The following PTPN12 variants were observed in gnomAD, a reference collection of about 807,000 sequenced individuals.
PTPN12 encodes the protein protein tyrosine phosphatase non-receptor type 12, also known as tyrosine-protein phosphatase non-receptor type 12.
In PTPN12, 29 loss-of-function variants were observed where a neutral mutation model predicts 97.6. The observed-to-expected ratio is 0.30, with a 90% CI of 0.22 to 0.41. The LOEUF (loss-of-function observed/expected upper bound fraction) is 0.41, where lower values mean the gene tolerates loss of function less well. Among genes scored for constraint, PTPN12 ranks in the 10% least tolerant of loss-of-function variants. The pLI is 1.00. For missense variants in PTPN12, 819 were observed against 926.0 expected (o/e 0.88, Z 1.50); for synonymous variants, 327 against 300.4 (o/e 1.09, Z -0.91).
intron 1 of PTPN12, among the ~76,000 whole-genome samples, chr7:77,560,834 A>G (rs117284851): frequency 0.018 from 2,792 of 151,766 alleles, 34 homozygotes; most frequent in Middle Eastern, 0.071. Context: ...CCTTTTGGCT[A>G]TTGTGAATGC....
chr7:77,596,556 T>C (rs1788029118), intron 6 of PTPN12, among the ~76,000 whole-genome samples: 1 of 152,162 alleles, frequency 6.6e-6, no homozygotes, highest in Non-Finnish European at 1.5e-5. Context: ...GAGCACAGGC[T>C]TACGCCTCAA....
At chr7:77,556,156 G>A (rs1244863493) in intron 1 of PTPN12, among the ~76,000 whole-genome samples, 1 of 152,074 alleles carries the variant, frequency 6.6e-6, no homozygotes, top group African/African-American at 2.4e-5. Flanking sequence ...CGCCTCCTGG[G>A]CTCAAGCAAT....
intron 1 of PTPN12, among the ~76,000 whole-genome samples, chr7:77,570,825 A>C (rs1787101647): frequency 6.6e-6 from 1 of 152,240 alleles, no homozygotes; most frequent in South Asian, 2.1e-4. Flanking sequence ...CAGCTTATTA[A>C]TGATATCTTT....
rs187861876 is a variant in PTPN12 at position 77,592,362 on chromosome 7, A to G, written c.492+106A>G. On this transcript the variant is annotated intron_variant, in intron 6 of 17. Coordinates refer to ENST00000248594, the MANE Select transcript of PTPN12 (RefSeq NM_002835.4). ...GAACCCAGGCTTATAGACGCCAAGG[A>G]CTCACAAACCTATGCTTACATTTAA... is the stretch of plus-strand genomic sequence containing the variant. 9.5e-6 allele frequency: 9 copies of G among 949,570 alleles called. No individual in the cohort carries two copies. The East Asian group carries it at 2.5e-4, about 27-fold the overall frequency. The allele number at this position is 949,570 out of a possible 1,614,324, so 58.8% of individuals were successfully genotyped here. A position where few individuals can be genotyped will look rare whatever the true frequency, so the allele number is the denominator to read the frequency against.
chr7:77,589,458 C>CT (rs1254896344), intron 5 of PTPN12, among the ~76,000 whole-genome samples: 2 of 152,032 alleles, frequency 1.3e-5, no homozygotes, highest in Non-Finnish European at 2.9e-5. Flanking sequence ...ACAAATCAAA[C>CT]TTACAAATTA....
At chr7:77,611,427 T>C (rs6465756) in intron 11 of PTPN12, among the ~76,000 whole-genome samples, 104,501 of 152,066 alleles carry the variant, frequency 0.69, 37,013 homozygotes, top group East Asian at 0.9. Flanking sequence ...TTTTAGTTAT[T>C]TGTGTATATG....
In PTPN12 at chr7:77,611,042, G is replaced by A. The variant is rs748436885; in HGVS notation, c.935G>A (p.Gly312Glu). 29 of 1,607,506 alleles carry A rather than the reference G, an allele frequency of 1.8e-5. No homozygotes were observed. The highest frequency in any genetic ancestry group is 2.2e-5 in the Non-Finnish European group (26 of 1,175,300). ...EIHGAQKIAD[G>E]VNEINTENMV... The stretch of plus-strand genomic sequence containing the variant: ...CATGGAGCTCAGAAAATTGCTGATG[G>A]AGTGGTAGGTGTTCTTGGTCTATTA... The change falls in exon 11 of 18, where the codon GGA becomes GAA. Residue 312 changes from glycine to glutamate, a missense_variant. Physicochemically the swap from Gly to Glu is moderately conservative, Grantham distance 98. Transcript: ENST00000248594.
chr7:77,615,622 G>A (rs553391899), intron 11 of PTPN12, among the ~76,000 whole-genome samples: 2 of 152,214 alleles, frequency 1.3e-5, no homozygotes, highest in Admixed American at 1.3e-4. Context: ...ATGGTAGCAC[G>A]TGCCTGTAGT....
intron 1 of PTPN12, among the ~76,000 whole-genome samples, chr7:77,556,999 C>T (rs989208535): frequency 2.0e-5 from 3 of 151,710 alleles, no homozygotes; most frequent in African/African-American, 4.8e-5. Context: ...AGAGCGGTCT[C>T]GCTGTTGTCC....
chr7:77,571,254 T>A, intron 2 of PTPN12, 68 bp downstream of exon 2: 1 of 902,068 alleles, frequency 1.1e-6, no homozygotes. Context: ...CTAACTAGTT[T>A]TATTCTTCCT....
intron 4 of PTPN12, 73 bp downstream of exon 4, chr7:77,583,723 G>A (rs1053904187): frequency 1.1e-6 from 1 of 897,936 alleles, no homozygotes. Context: ...TACTGAATAA[G>A]GAATGAGGGG....
At position 77,638,662 on chromosome 7, in the gene PTPN12, G is replaced by C; in HGVS notation, c.2212G>C (p.Glu738Gln). 6.2e-7 allele frequency: 1 copy of C among 1,607,088 alleles called. No homozygotes were observed. Among genetic ancestry groups the C allele is most frequent in the Non-Finnish European group, 8.5e-7 (1 of 1,177,756 alleles). ...AGGIHYEMCI[E>Q]CPPTFSDKRE... ...AGGTATTCACTATGAAATGTGCATA[G>C]AATGTCCACCTACTTTCAGTGACAA... The change falls in exon 17 of 18, where the codon GAA becomes CAA. Residue 738 changes from glutamate (E) to glutamine (Q), a missense_variant. Coordinates refer to ENST00000248594, the MANE Select transcript of PTPN12 (RefSeq NM_002835.4).
chr7:77,631,262 T>C (rs546420702), intron 13 of PTPN12, among the ~76,000 whole-genome samples: 7 of 152,330 alleles, frequency 4.6e-5, no homozygotes, highest in African/African-American at 1.7e-4. Flanking sequence ...GGAACTCCTC[T>C]TTCAGGAGGA....
At chr7:77,565,660 A>T (rs777983997) in intron 1 of PTPN12, among the ~76,000 whole-genome samples, 12 of 152,264 alleles carry the variant, frequency 7.9e-5, no homozygotes, top group Non-Finnish European at 1.6e-4. Flanking sequence ...ACAAGTGGGT[A>T]TCTTAAAGTC....
chr7:77,570,846 A>G (rs1787102411), intron 1 of PTPN12, among the ~76,000 whole-genome samples: 1 of 152,228 alleles, frequency 6.6e-6, no homozygotes, highest in African/African-American at 2.4e-5. Context: ...AAATTATATT[A>G]CTTTTATTCT....
chr7:77,545,511 C>T (rs1255967865), intron 1 of PTPN12, among the ~76,000 whole-genome samples: 2 of 151,996 alleles, frequency 1.3e-5, no homozygotes, highest in Non-Finnish European at 1.5e-5. Context: ...GATCCAAGTG[C>T]TGCTCCTTTT....
chr7:77,629,502 G>A (rs974245331), intron 13 of PTPN12, among the ~76,000 whole-genome samples: 4 of 151,552 alleles, frequency 2.6e-5, no homozygotes, highest in Admixed American at 6.6e-5. Context: ...CAAGCATGTG[G>A]TATTGTACCT....
chr7:77,569,402 G>A (rs1449767345), intron 1 of PTPN12, among the ~76,000 whole-genome samples: 1 of 152,024 alleles, frequency 6.6e-6, no homozygotes, highest in African/African-American at 2.4e-5. Context: ...TCTCATATTT[G>A]ATGGTATGAA....
At chr7:77,556,283 G>A (rs1045222676) in intron 1 of PTPN12, among the ~76,000 whole-genome samples, 3 of 151,950 alleles carry the variant, frequency 2.0e-5, no homozygotes, top group South Asian at 2.1e-4. Context: ...GGCTGGTCTC[G>A]AACTCCTGGG....
Sources: gnomAD v4.1 joint callset for allele counts (sites outside exome capture counted in the v4.1 genomes callset) on GRCh38, gnomAD v4.1.1 for gene constraint, MANE v1.5 for transcripts, NCBI Gene and HGNC (gene_info 2026-07-23, HGNC 2026-07-21) for gene names.